RSPO3: variants seen among roughly 807,000 people sequenced by gnomAD.
The protein encoded by RSPO3 is R-spondin 3.
RSPO3 carries 17 observed loss-of-function variants against 36.5 expected under a neutral mutation model. The observed-to-expected ratio is 0.47, with a 90% CI of 0.32 to 0.70. The LOEUF (loss-of-function observed/expected upper bound fraction) is 0.70. RSPO3 is among the 30% of genes least tolerant of loss of function. RSPO3 has a pLI of 0.04. For missense variants in RSPO3, 294 were observed against 322.5 expected, an observed-to-expected ratio of 0.91 and a Z score of 0.68; for synonymous variants, 108 against 107.0, an observed-to-expected ratio of 1.01 and a Z score of -0.06.
chr6:127,127,284 A>G (rs1489298995), intron 1 of RSPO3, among the ~76,000 whole-genome samples: 1 of 152,086 alleles, frequency 6.6e-6, no homozygotes, highest in South Asian at 2.1e-4. Flanking sequence ...CCTGTTCTAC[A>G]AAGAGACTTC....
At chr6:127,144,171 G>T (rs1212118713) in intron 1 of RSPO3, among the ~76,000 whole-genome samples, 1 of 152,064 alleles carries the variant, frequency 6.6e-6, no homozygotes, top group Non-Finnish European at 1.5e-5. Flanking sequence ...AGAAATAATA[G>T]TTCCCTCTTT....
intron 1 of RSPO3, among the ~76,000 whole-genome samples, chr6:127,142,798 G>T (rs546042321): frequency 2.9e-3 from 434 of 150,252 alleles, no homozygotes; most frequent in Middle Eastern, 0.01. Context: ...TGTTTTTTTT[G>T]TTTGTTTGTT....
At chr6:127,133,680 C>T (rs527530409) in intron 1 of RSPO3, among the ~76,000 whole-genome samples, 1 of 152,112 alleles carries the variant, frequency 6.6e-6, no homozygotes, top group Admixed American at 6.5e-5. Flanking sequence ...TTTCTTTTTG[C>T]ACATTCATGG....
chr6:127,126,596 A>T lies in RSPO3; in HGVS notation c.97+7307A>T, dbSNP rs557598332. Among the ~76,000 whole-genome samples the T allele has an allele frequency of 4.6e-5, 7 of 152,200 alleles. No individual in the cohort carries two copies. In the South Asian group the frequency reaches 1.5e-3, roughly 32 times the overall value. On this transcript the variant is annotated intron_variant, in intron 1 of 4. Coordinates refer to ENST00000356698, the MANE Select transcript of RSPO3 (RefSeq NM_032784.5). ...CCTGTGGAACTTTGCCACAGATCAT[A>T]AGGAGACCTGAAAAACTATGATAAT...
Position 127,195,836 on chromosome 6 carries a change from G to A in RSPO3, c.648G>A (p.Arg216=), listed in dbSNP as rs1241769836. The A allele has an allele frequency of 2.0e-6, 3 of 1,533,194 alleles. No homozygotes were observed. Among genetic ancestry groups the A allele is most frequent in the Non-Finnish European group, 8.8e-7 (1 of 1,138,570 alleles). The allele number at this position is 1,533,194 out of a possible 1,614,324, so 95.0% of individuals were successfully genotyped here. ...CQKGERGKKG[R]ERKRKKPNKG... ...CTTTCATTTCAGGAAAAAAAGGAAGGGAGAGGAAAAGAAAAAAACCTAATA... is the reference window on the plus strand; with the variant it reads ...CTTTCATTTCAGGAAAAAAAGGAAGAGAGAGGAAAAGAAAAAAACCTAATA... Residue 216 remains arginine (R), a synonymous_variant, in exon 5 of 5, where the codon AGG becomes AGA. Coordinates refer to ENST00000356698, the MANE Select transcript of RSPO3 (RefSeq NM_032784.5).
chr6:127,144,458 C>T (rs1774339352), intron 1 of RSPO3, among the ~76,000 whole-genome samples: 1 of 152,070 alleles, frequency 6.6e-6, no homozygotes, highest in Admixed American at 6.5e-5. Flanking sequence ...CTTCTACTTA[C>T]TTGTATCATA....
At chr6:127,154,812 T>A (rs1774560330) in intron 3 of RSPO3, among the ~76,000 whole-genome samples, 2 of 152,156 alleles carry the variant, frequency 1.3e-5, no homozygotes, top group Admixed American at 1.3e-4. Context: ...ATTTTTTGTT[T>A]TAGCAAGCCC....
At chr6:127,131,771 T>C (rs552561609) in intron 1 of RSPO3, among the ~76,000 whole-genome samples, 10 of 152,232 alleles carry the variant, frequency 6.6e-5, no homozygotes, top group African/African-American at 2.4e-4. Context: ...TCATGGAGGA[T>C]CAAGTCATTC....
rs532402647 is a variant in RSPO3, at chr6:127,155,091, G to T, written c.437-150G>T. 2.9e-5 allele frequency: 21 copies of T among 731,376 alleles called. No individual in the cohort carries two copies. In the South Asian group the frequency reaches 3.2e-4, roughly 11 times the overall value. The allele number at this position is 731,376 out of a possible 1,614,324, so 45.3% of individuals were successfully genotyped here. On this transcript the variant is annotated intron_variant, in intron 3 of 4. Coordinates refer to ENST00000356698, the MANE Select transcript of RSPO3 (RefSeq NM_032784.5). ...CAATTTCTGCCTTTCCCATTCTCCT[G>T]TTTTATATTTAAGTCATCTTGCCCG...
At chr6:127,134,338 T>G (rs1774112399) in intron 1 of RSPO3, among the ~76,000 whole-genome samples, 1 of 152,216 alleles carries the variant, frequency 6.6e-6, no homozygotes, top group Admixed American at 6.5e-5. Flanking sequence ...CTGAGTGAAT[T>G]TCCATTTTTG....
At chr6:127,193,463 T>G (rs2114278553) in intron 4 of RSPO3, among the ~76,000 whole-genome samples, 1 of 152,370 alleles carries the variant, frequency 6.6e-6, no homozygotes. Context: ...AACTTCTGGA[T>G]GATTTCCATA....
intron 1 of RSPO3, among the ~76,000 whole-genome samples, chr6:127,135,597 T>C (rs1034266951): frequency 6.6e-6 from 1 of 151,892 alleles, no homozygotes; most frequent in Non-Finnish European, 1.5e-5. Context: ...AGATTTCTGA[T>C]TGTAGCATCT....
intron 1 of RSPO3, among the ~76,000 whole-genome samples, chr6:127,134,993 G>C (rs950015731): frequency 6.6e-6 from 1 of 152,182 alleles, no homozygotes; most frequent in African/African-American, 2.4e-5. Flanking sequence ...CTTTGCAACT[G>C]AGATGGAACT....
intron 4 of RSPO3, among the ~76,000 whole-genome samples, chr6:127,184,884 G>A (rs1485783063): frequency 6.6e-6 from 1 of 151,734 alleles, no homozygotes; most frequent in African/African-American, 2.4e-5. Flanking sequence ...TTCCATCAGT[G>A]GTGGAAAGGG....
Position 127,198,307 on chromosome 6 carries a change from G to T in RSPO3, c.*2300G>T, listed in dbSNP as rs1452776513. 1.3e-5 allele frequency among the ~76,000 whole-genome samples: 2 copies of T among 152,180 alleles called. No homozygotes were observed. The highest frequency in any genetic ancestry group is 2.9e-5 in the Non-Finnish European group (2 of 68,036). ...AACTAACATTCATTTTCATATGTTG[G>T]ATGAAATATAAATGAAGAAAAAGAT... On this transcript the variant is annotated 3_prime_UTR_variant, in exon 5 of 5. Transcript: ENST00000356698.
In RSPO3 at chr6:127,119,052, C is replaced by T. The variant is rs1040229457; in HGVS notation, c.-141C>T. 1.4e-5 allele frequency: 8 copies of T among 586,272 alleles called. No individual in the cohort carries two copies. The highest frequency in any genetic ancestry group is 1.1e-4 in the African/African-American group (6 of 52,730). The allele number at this position is 586,272 out of a possible 1,614,324, so 36.3% of individuals were successfully genotyped here. On this transcript the variant is annotated 5_prime_UTR_variant, in exon 1 of 5. Transcript: ENST00000356698. ...CCACTTCGCTTGCCATCACAGCACG[C>T]CTATCGGATGTGAGAGGAGAAGTCC...
intron 1 of RSPO3, among the ~76,000 whole-genome samples, chr6:127,131,146 T>G (rs1774044980): frequency 6.6e-6 from 1 of 152,148 alleles, no homozygotes; most frequent in African/African-American, 2.4e-5. Context: ...GCTTGCAGTA[T>G]CACATAGATG....
chr6:127,138,858 T>C (rs527763159), intron 1 of RSPO3, among the ~76,000 whole-genome samples: 3 of 152,318 alleles, frequency 2.0e-5, no homozygotes, highest in Non-Finnish European at 2.9e-5. Flanking sequence ...AAAATAAATA[T>C]TGGTAACTCA....
At chr6:127,175,398 T>C (rs772568154) in intron 4 of RSPO3, among the ~76,000 whole-genome samples, 1 of 151,726 alleles carries the variant, frequency 6.6e-6, no homozygotes, top group Non-Finnish European at 1.5e-5. Context: ...CAGAACATGT[T>C]TGAAAAACAT....
Sources: gnomAD v4.1 joint callset for allele counts (sites outside exome capture counted in the v4.1 genomes callset) on GRCh38, gnomAD v4.1.1 for gene constraint, MANE v1.5 for transcripts, NCBI Gene and HGNC (gene_info 2026-07-23, HGNC 2026-07-21) for gene names.